ZCCHC7: variants seen among roughly 807,000 people sequenced by gnomAD.
ZCCHC7 encodes zinc finger CCHC domain-containing protein 7.
A neutral mutation model predicts 52.0 loss-of-function variants in ZCCHC7; 35 were observed. That is an observed-to-expected ratio of 0.67 (90% CI 0.51 to 0.89). ZCCHC7 has a LOEUF of 0.89. Ranked by LOEUF, ZCCHC7 falls within the 40% of genes least tolerant of loss-of-function variation. The pLI, the probability that ZCCHC7 is intolerant of heterozygous loss-of-function variation, is 0.00. For missense variants in ZCCHC7, 574 were observed against 649.1 expected (o/e 0.88, Z 1.26); for synonymous variants, 217 against 221.5 (o/e 0.98, Z 0.18).
intron 2 of ZCCHC7, among the ~76,000 whole-genome samples, chr9:37,272,918 A>G (rs1344263899): frequency 6.6e-6 from 1 of 152,110 alleles, no homozygotes. Context: ...TCTCTTACTG[A>G]TGGACATTTA....
intron 2 of ZCCHC7, among the ~76,000 whole-genome samples, chr9:37,202,655 A>C (rs534272523): frequency 6.6e-6 from 1 of 151,854 alleles, no homozygotes; most frequent in Non-Finnish European, 1.5e-5. Context: ...TAATTTTTAA[A>C]TTTTTTTGTA....
intron 6 of ZCCHC7, among the ~76,000 whole-genome samples, chr9:37,340,993 C>G (rs1353584952): frequency 6.6e-6 from 1 of 152,108 alleles, no homozygotes; most frequent in African/African-American, 2.4e-5. Flanking sequence ...TGACATTATT[C>G]AGATGAATGA....
intron 2 of ZCCHC7, among the ~76,000 whole-genome samples, chr9:37,253,394 T>G (rs1426621816): frequency 6.6e-6 from 1 of 152,070 alleles, no homozygotes; most frequent in Non-Finnish European, 1.5e-5. Context: ...ATTACATTGC[T>G]TCTTTAATGA....
At chr9:37,245,613 A>G (rs959671169) in intron 2 of ZCCHC7, among the ~76,000 whole-genome samples, 1 of 151,986 alleles carries the variant, frequency 6.6e-6, no homozygotes. Context: ...ACAAAGTGTA[A>G]GTACCTTGAT....
intron 2 of ZCCHC7, among the ~76,000 whole-genome samples, chr9:37,219,988 G>A (rs1824726932): frequency 6.6e-6 from 1 of 152,126 alleles, no homozygotes; most frequent in African/African-American, 2.4e-5. Context: ...GTGAAAATGA[G>A]GTGTGGTATT....
At chr9:37,311,220 A>T (rs549662713) in intron 5 of ZCCHC7, among the ~76,000 whole-genome samples, 15 of 152,086 alleles carry the variant, frequency 9.9e-5, no homozygotes, top group Non-Finnish European at 2.1e-4. Flanking sequence ...AAGCATAATG[A>T]CTGAGTTAGT....
At chr9:37,202,859 T>C (rs1823709484) in intron 2 of ZCCHC7, among the ~76,000 whole-genome samples, 1 of 152,206 alleles carries the variant, frequency 6.6e-6, no homozygotes, top group Non-Finnish European at 1.5e-5. Flanking sequence ...AGTGAACAAA[T>C]GGTTGAATAT....
At chr9:37,332,594 C>G (rs1027211035) in intron 6 of ZCCHC7, among the ~76,000 whole-genome samples, 1 of 151,180 alleles carries the variant, frequency 6.6e-6, no homozygotes, top group South Asian at 2.1e-4. Context: ...ATGATAATTA[C>G]TACATTTACA....
At chr9:37,318,741 T>C (rs1000354069) in intron 5 of ZCCHC7, among the ~76,000 whole-genome samples, 10 of 151,694 alleles carry the variant, frequency 6.6e-5, no homozygotes, top group African/African-American at 2.4e-4. Flanking sequence ...GTTGAAACCC[T>C]GTCTCTCCTA....
At chr9:37,216,905 G>A (rs1216106060) in intron 2 of ZCCHC7, among the ~76,000 whole-genome samples, 1 of 151,898 alleles carries the variant, frequency 6.6e-6, no homozygotes, top group African/African-American at 2.4e-5. Context: ...GTAGATTAAG[G>A]ATAATTTCTA....
chr9:37,255,125 C>A (rs1032478386), intron 2 of ZCCHC7, among the ~76,000 whole-genome samples: 1 of 151,790 alleles, frequency 6.6e-6, no homozygotes. Flanking sequence ...ATACATACAT[C>A]CCTATGATAA....
chr9:37,170,061 T>TA (rs1047024022), intron 2 of ZCCHC7, among the ~76,000 whole-genome samples: 7,193 of 143,774 alleles, frequency 0.05, 466 homozygotes, highest in African/African-American at 0.16. Context: ...TCCTATCTCT[T>TA]AAAAAAAAAA....
At chr9:37,299,167 A>T (rs563996732) in intron 2 of ZCCHC7, among the ~76,000 whole-genome samples, 1 of 152,292 alleles carries the variant, frequency 6.6e-6, no homozygotes, top group South Asian at 2.1e-4. Context: ...TAATTTTACA[A>T]TTCAGGGCAG....
intron 2 of ZCCHC7, among the ~76,000 whole-genome samples, chr9:37,285,534 T>A (rs1394648863): frequency 3.9e-5 from 6 of 152,172 alleles, no homozygotes; most frequent in Non-Finnish European, 1.5e-5. Flanking sequence ...TTTTGGGGAA[T>A]GGGTCTAAGT....
intron 2 of ZCCHC7, among the ~76,000 whole-genome samples, chr9:37,198,248 C>T (rs1270155896): frequency 1.3e-5 from 2 of 152,170 alleles, no homozygotes; most frequent in Admixed American, 6.5e-5. Context: ...ATAGACCCAG[C>T]TAAAATATCA....
chr9:37,161,532 G>A lies in ZCCHC7; in HGVS notation c.610+34590G>A, dbSNP rs143843328. Among the ~76,000 whole-genome samples the A allele has an allele frequency of 3.5e-3, 538 of 151,878 alleles. 1 individual carries two copies. The highest frequency in any genetic ancestry group is 5.8e-3 in the Non-Finnish European group (396 of 67,954). ...GGAGCTTGCAGTGAGCCAAGATGGC[G>A]TCACTGCACTCCAGCCTGAGGGACA... On this transcript the variant is annotated intron_variant, in intron 2 of 8. Coordinates refer to ENST00000336755, the MANE Select transcript of ZCCHC7 (RefSeq NM_032226.3).
intron 2 of ZCCHC7, among the ~76,000 whole-genome samples, chr9:37,157,857 A>G (rs567808575): frequency 1.3e-5 from 2 of 152,362 alleles, no homozygotes; most frequent in African/African-American, 2.4e-5. Flanking sequence ...GCAAATTGCT[A>G]TAGCTGTTAC....
At chr9:37,340,683 AT>A (rs1421090881) in intron 6 of ZCCHC7, among the ~76,000 whole-genome samples, 2 of 152,198 alleles carry the variant, frequency 1.3e-5, no homozygotes, top group African/African-American at 4.8e-5. Context: ...TCACAAATTT[AT>A]ATTTCTAACA....
chr9:37,278,034 G>GTGTGTGTTTTGTTTTGTTT (rs74182939), intron 2 of ZCCHC7, among the ~76,000 whole-genome samples: 54 of 142,858 alleles, frequency 3.8e-4, no homozygotes, highest in African/African-American at 9.9e-4. Flanking sequence ...GTGTGTGTGT[G>GTGTGTGTTTTGTTTTGTTT]TGTTTTGTTT....
Sources: gnomAD v4.1 joint callset for allele counts (sites outside exome capture counted in the v4.1 genomes callset) on GRCh38, gnomAD v4.1.1 for gene constraint, MANE v1.5 for transcripts, NCBI Gene and HGNC (gene_info 2026-07-23, HGNC 2026-07-21) for gene names.